Variants in SGCZ observed in about 807,000 individuals in gnomAD.
The protein encoded by SGCZ is zeta-sarcoglycan.
A neutral mutation model predicts 41.3 loss-of-function variants in SGCZ; 40 were observed. That is an observed-to-expected ratio of 0.97 (90% CI 0.75 to 1.26). SGCZ has a LOEUF of 1.26. Ranked by LOEUF, SGCZ falls within the 50% of genes most tolerant of loss-of-function variation. The pLI is 0.00. For missense variants in SGCZ, 552 were observed against 369.8 expected (o/e 1.49, Z -4.04); for synonymous variants, 206 against 137.5 (o/e 1.50, Z -3.49).
intron 2 of SGCZ, among the ~76,000 whole-genome samples, chr8:14,542,056 A>C (rs905355497): frequency 6.6e-6 from 1 of 152,082 alleles, no homozygotes; most frequent in African/African-American, 2.4e-5. Flanking sequence ...GACAGATTGC[A>C]AAAATTTTCT....
At chr8:14,294,131 T>C (rs1161336323) in intron 3 of SGCZ, among the ~76,000 whole-genome samples, 6 of 152,062 alleles carry the variant, frequency 3.9e-5, no homozygotes, top group Non-Finnish European at 8.8e-5. Flanking sequence ...TTTTGTGATA[T>C]TGTAGAATTT....
chr8:14,823,175 A>C (rs748293668), intron 1 of SGCZ, among the ~76,000 whole-genome samples: 11 of 152,058 alleles, frequency 7.2e-5, no homozygotes, highest in Non-Finnish European at 1.6e-4. Context: ...GCTAGGCAAG[A>C]AATTTTTAAA....
At chr8:14,797,099 T>C (rs1648437439) in intron 1 of SGCZ, among the ~76,000 whole-genome samples, 1 of 152,000 alleles carries the variant, frequency 6.6e-6, no homozygotes, top group Non-Finnish European at 1.5e-5. Context: ...AAGAGTGGGG[T>C]GCTGCTATAA....
At chr8:14,377,240 C>A (rs1313907930) in intron 2 of SGCZ, among the ~76,000 whole-genome samples, 1 of 152,120 alleles carries the variant, frequency 6.6e-6, no homozygotes, top group Non-Finnish European at 1.5e-5. Context: ...CCTAATAGAA[C>A]TTCCATAAAA....
At chr8:14,474,150 A>G (rs543898855) in intron 2 of SGCZ, among the ~76,000 whole-genome samples, 1 of 152,254 alleles carries the variant, frequency 6.6e-6, no homozygotes, top group East Asian at 1.9e-4. Flanking sequence ...TTGCAACAAC[A>G]CAATTTAATA....
rs1563203076 is a variant in SGCZ, at chr8:14,687,343, CCT to C, written c.40-132419_40-132418del. On this transcript the variant is annotated intron_variant, in intron 1 of 7. Transcript: ENST00000382080. Reference sequence around the variant, plus strand: ...ATATCTCCTAAAGCTATCCCTCCCCCCTCCCCACACCCCACAACAGTTCCCAG... The same window carrying C: ...ATATCTCCTAAAGCTATCCCTCCCCCCCCCACACCCCACAACAGTTCCCAG... 8.2e-5 allele frequency among the ~76,000 whole-genome samples: 12 copies of C among 146,858 alleles called. No homozygotes were observed. The East Asian group carries it at 2.3e-3, about 28-fold the overall frequency.
chr8:14,214,222 T>G (rs1250616454), intron 4 of SGCZ, among the ~76,000 whole-genome samples: 1 of 152,050 alleles, frequency 6.6e-6, no homozygotes, highest in South Asian at 2.1e-4. Flanking sequence ...CAAATCCCAA[T>G]CGAAGGGCAG....
At chr8:14,775,122 T>A (rs536107216) in intron 1 of SGCZ, among the ~76,000 whole-genome samples, 2 of 152,348 alleles carry the variant, frequency 1.3e-5, no homozygotes, top group East Asian at 3.9e-4. Flanking sequence ...GGATCTTGGC[T>A]AGTTACAACT....
At chr8:14,367,862 G>A (rs1316423932) in intron 2 of SGCZ, among the ~76,000 whole-genome samples, 1 of 151,974 alleles carries the variant, frequency 6.6e-6, no homozygotes, top group South Asian at 2.1e-4. Flanking sequence ...TATTTTTTGG[G>A]AAAGAATGTC....
chr8:14,715,896 G>A (rs1005463759), intron 1 of SGCZ, among the ~76,000 whole-genome samples: 1 of 152,080 alleles, frequency 6.6e-6, no homozygotes, highest in African/African-American at 2.4e-5. Flanking sequence ...GAGCTGGCAT[G>A]AACACAACAA....
chr8:14,680,404 C>G (rs1196519997), intron 1 of SGCZ, among the ~76,000 whole-genome samples: 1 of 152,062 alleles, frequency 6.6e-6, no homozygotes, highest in Non-Finnish European at 1.5e-5. Context: ...AACTGTGGCA[C>G]TTTGGGAGAT....
At chr8:15,041,162 T>C (rs1042705948) in intron 1 of SGCZ, among the ~76,000 whole-genome samples, 1 of 151,904 alleles carries the variant, frequency 6.6e-6, no homozygotes, top group Non-Finnish European at 1.5e-5. Context: ...ATTTTTTTTA[T>C]AACATAGAGT....
intron 2 of SGCZ, among the ~76,000 whole-genome samples, chr8:14,370,010 G>C (rs1803854093): frequency 6.6e-6 from 1 of 151,902 alleles, no homozygotes. Context: ...TCTGGTTCCT[G>C]TGTCTTTTCA....
chr8:14,342,351 C>G (rs939979970), intron 2 of SGCZ, among the ~76,000 whole-genome samples: 7 of 152,142 alleles, frequency 4.6e-5, no homozygotes, highest in Admixed American at 4.6e-4. Context: ...CAGTCTCACT[C>G]TGTCGCCCAG....
intron 1 of SGCZ, among the ~76,000 whole-genome samples, chr8:14,956,103 G>A (rs1346867475): frequency 6.1e-5 from 9 of 147,050 alleles, no homozygotes; most frequent in South Asian, 4.3e-4. Flanking sequence ...GCAATGGCGC[G>A]ATCTCTGCTC....
intron 2 of SGCZ, among the ~76,000 whole-genome samples, chr8:14,515,613 A>C (rs768054105): frequency 2.8e-4 from 43 of 152,142 alleles, no homozygotes; most frequent in Non-Finnish European, 5.3e-4. Flanking sequence ...AGCAGAATGC[A>C]ATAAACATCA....
At chr8:14,316,985 G>C (rs968407851) in intron 3 of SGCZ, among the ~76,000 whole-genome samples, 2 of 151,784 alleles carry the variant, frequency 1.3e-5, no homozygotes, top group Non-Finnish European at 2.9e-5. Flanking sequence ...CTTCTTTGCA[G>C]TGATTAGTGG....
chr8:14,260,313 A>G (rs1010861842), intron 3 of SGCZ, among the ~76,000 whole-genome samples: 3 of 151,638 alleles, frequency 2.0e-5, no homozygotes, highest in African/African-American at 4.8e-5. Context: ...TCTCAAAAGA[A>G]GACATTTATG....
At chr8:14,667,025 C>T (rs930351712) in intron 1 of SGCZ, among the ~76,000 whole-genome samples, 2 of 151,706 alleles carry the variant, frequency 1.3e-5, no homozygotes, top group African/African-American at 4.8e-5. Flanking sequence ...TTATATATAG[C>T]AATGATAATA....
Sources: gnomAD v4.1 joint callset for allele counts (sites outside exome capture counted in the v4.1 genomes callset) on GRCh38, gnomAD v4.1.1 for gene constraint, MANE v1.5 for transcripts, NCBI Gene and HGNC (gene_info 2026-07-23, HGNC 2026-07-21) for gene names.